The following PPM1L variants were observed in gnomAD, a reference collection of about 807,000 sequenced individuals.
PPM1L encodes the protein protein phosphatase, Mg2+/Mn2+ dependent 1L.
PPM1L carries 13 observed loss-of-function variants against 31.4 expected under a neutral mutation model. The ratio of observed to expected loss-of-function variants is 0.41; its 90% confidence interval spans 0.27 to 0.66. PPM1L has a LOEUF of 0.66. Among genes scored for constraint, PPM1L ranks in the 30% least tolerant of loss-of-function variants. The probability of loss-of-function intolerance (pLI) is 0.29; values close to 1 mark genes in which losing one functional copy is unlikely to be tolerated. For missense variants in PPM1L, 326 were observed against 453.7 expected (o/e 0.72, Z 2.56); for synonymous variants, 184 against 175.4 (o/e 1.05, Z -0.39).
intron 1 of PPM1L, among the ~76,000 whole-genome samples, chr3:160,936,947 C>G (rs1385205406): frequency 6.6e-6 from 1 of 152,072 alleles, no homozygotes; most frequent in African/African-American, 2.4e-5. Context: ...TCAGGCTGAG[C>G]GGGTTTCTTT....
chr3:160,903,129 TGTCA>T (rs1240826093), intron 1 of PPM1L, among the ~76,000 whole-genome samples: 1 of 147,858 alleles, frequency 6.8e-6, no homozygotes, highest in Non-Finnish European at 1.5e-5. Flanking sequence ...ATAGTAGCTG[TGTCA>T]GTCAGGGTTG....
At chr3:160,841,634 G>C (rs1187721666) in intron 1 of PPM1L, among the ~76,000 whole-genome samples, 1 of 152,140 alleles carries the variant, frequency 6.6e-6, no homozygotes, top group African/African-American at 2.4e-5. Flanking sequence ...GCAGGGTGCA[G>C]CACAGTCATA....
intron 2 of PPM1L, among the ~76,000 whole-genome samples, chr3:160,970,884 G>C (rs1306824820): frequency 6.9e-6 from 1 of 145,604 alleles, no homozygotes; most frequent in African/African-American, 2.5e-5. Flanking sequence ...CCGCCCCCTG[G>C]GGTTCACGCC....
Position 160,932,017 on chromosome 3 carries a change from A to G in PPM1L, c.400-29719A>G, listed in dbSNP as rs1407501594. On this transcript the variant is annotated intron_variant, in intron 1 of 3. Transcript: ENST00000498165. ...GTTTTTTTGCTCTTTCTCATTCTTTATGGTCAGTTCTTCCACTAATTTATT... is the reference window on the plus strand; with the variant it reads ...GTTTTTTTGCTCTTTCTCATTCTTTGTGGTCAGTTCTTCCACTAATTTATT... Among the ~76,000 whole-genome samples, 4 of 151,998 alleles carry G rather than the reference A, an allele frequency of 2.6e-5. No individual in the cohort carries two copies. In the East Asian group the frequency reaches 7.7e-4, roughly 29 times the overall value.
At chr3:160,882,805 TA>T (rs1712771436) in intron 1 of PPM1L, among the ~76,000 whole-genome samples, 1 of 152,230 alleles carries the variant, frequency 6.6e-6, no homozygotes, top group Non-Finnish European at 1.5e-5. Context: ...TAAACAACTT[TA>T]ACTAGTCTAA....
chr3:160,928,597 C>G (rs976710587), intron 1 of PPM1L, among the ~76,000 whole-genome samples: 1 of 152,178 alleles, frequency 6.6e-6, no homozygotes, highest in Non-Finnish European at 1.5e-5. Context: ...TATGTACTCA[C>G]CACAGTTTGT....
chr3:160,977,930 T>C (rs1716653503), intron 2 of PPM1L, among the ~76,000 whole-genome samples: 1 of 152,202 alleles, frequency 6.6e-6, no homozygotes, highest in African/African-American at 2.4e-5. Flanking sequence ...ATCACAAGAC[T>C]TCCTGTGTAT....
intron 1 of PPM1L, among the ~76,000 whole-genome samples, chr3:160,785,869 G>T (rs1711899512): frequency 2.8e-5 from 4 of 144,256 alleles, no homozygotes; most frequent in East Asian, 2.0e-4. Context: ...TTTCCCACAT[G>T]TGTATATTTT....
chr3:161,052,469 C>T (rs961591554), intron 2 of PPM1L, among the ~76,000 whole-genome samples: 1 of 152,158 alleles, frequency 6.6e-6, no homozygotes, highest in Admixed American at 6.5e-5. Flanking sequence ...TGTAAAAAGA[C>T]CTTTATCTTG....
intron 1 of PPM1L, among the ~76,000 whole-genome samples, chr3:160,883,955 A>G (rs1339733693): frequency 2.6e-5 from 4 of 151,692 alleles, no homozygotes; most frequent in Non-Finnish European, 4.4e-5. Context: ...CTGTGGTCCC[A>G]GCTACTCTGG....
chr3:160,920,985 G>T (rs1001559087), intron 1 of PPM1L, among the ~76,000 whole-genome samples: 13 of 152,048 alleles, frequency 8.5e-5, no homozygotes, highest in African/African-American at 2.7e-4. Flanking sequence ...CTCGGTATCA[G>T]AAATTTACAA....
chr3:160,972,546 T>A (rs1362173456), intron 2 of PPM1L, among the ~76,000 whole-genome samples: 1 of 152,208 alleles, frequency 6.6e-6, no homozygotes, highest in Non-Finnish European at 1.5e-5. Flanking sequence ...TTTTTATGGC[T>A]GCATAGCATT....
At chr3:160,763,945 A>C (rs1208636589) in intron 1 of PPM1L, among the ~76,000 whole-genome samples, 1 of 152,238 alleles carries the variant, frequency 6.6e-6, no homozygotes, top group African/African-American at 2.4e-5. Context: ...ATGAATGTCA[A>C]AATAAATCTA....
intron 1 of PPM1L, among the ~76,000 whole-genome samples, chr3:160,927,913 G>T (rs958772005): frequency 1.3e-5 from 2 of 152,180 alleles, no homozygotes; most frequent in South Asian, 2.1e-4. Flanking sequence ...AATGTGTATT[G>T]AATGAATTAA....
chr3:160,894,330 G>C (rs1295271578), intron 1 of PPM1L, among the ~76,000 whole-genome samples: 1 of 152,154 alleles, frequency 6.6e-6, no homozygotes, highest in Non-Finnish European at 1.5e-5. Flanking sequence ...ACATGTAAAA[G>C]TGCACTGTCA....
intron 1 of PPM1L, among the ~76,000 whole-genome samples, chr3:160,764,615 C>G (rs538086238): frequency 2.6e-4 from 40 of 151,536 alleles, no homozygotes; most frequent in African/African-American, 9.5e-4. Flanking sequence ...TACAGGCACC[C>G]GCCACTATGC....
At chr3:160,819,888 C>T (rs1713142329) in intron 1 of PPM1L, among the ~76,000 whole-genome samples, 3 of 151,904 alleles carry the variant, frequency 2.0e-5, no homozygotes, top group Admixed American at 1.3e-4. Flanking sequence ...CCATGACATC[C>T]TTTGTCATTT....
At chr3:160,888,493 T>C (rs1168034087) in intron 1 of PPM1L, among the ~76,000 whole-genome samples, 1 of 152,206 alleles carries the variant, frequency 6.6e-6, no homozygotes, top group African/African-American at 2.4e-5. Context: ...ATCCAAATCA[T>C]ATATGCACCC....
chr3:160,888,762 A>G (rs910638440), intron 1 of PPM1L, among the ~76,000 whole-genome samples: 8 of 152,318 alleles, frequency 5.3e-5, no homozygotes, highest in East Asian at 1.9e-4. Flanking sequence ...TCTAAAATCT[A>G]CCACATAAGT....
Sources: gnomAD v4.1 joint callset for allele counts (sites outside exome capture counted in the v4.1 genomes callset) on GRCh38, gnomAD v4.1.1 for gene constraint, MANE v1.5 for transcripts, NCBI Gene and HGNC (gene_info 2026-07-23, HGNC 2026-07-21) for gene names.